IL37: variants seen among roughly 807,000 people sequenced by gnomAD.
The protein encoded by IL37 is interleukin-37.
Under a neutral mutation model 15.4 loss-of-function variants are expected in IL37, and 15 were observed. The ratio of observed to expected loss-of-function variants is 0.98; its 90% CI spans 0.65 to 1.50. The LOEUF is 1.50. Among genes scored for constraint, IL37 ranks in the 40% most tolerant of loss-of-function variants. The pLI, the probability that IL37 is intolerant of heterozygous loss-of-function variation, is 0.00. For missense variants in IL37, 269 were observed against 261.7 expected (o/e 1.03, Z -0.19); for synonymous variants, 98 against 97.4 (o/e 1.01, Z -0.03).
Position 112,911,259 on chromosome 2 carries a change from C to T in IL37, c.-51+11C>T, listed in dbSNP as rs1324701976. 6.6e-6 allele frequency among the ~76,000 whole-genome samples: 1 copy of T among 152,236 alleles called. No homozygotes were observed. Among genetic ancestry groups the T allele is most frequent in the Non-Finnish European group, 1.5e-5 (1 of 68,044 alleles). On this transcript the variant is annotated intron_variant, in intron 1 of 5. Coordinates refer to ENST00000263326, the MANE Select transcript of IL37 (RefSeq NM_014439.4). ...GGATCCCTGGCCCAGGTAGGTGGTC[C>T]TCCTGCACTGGCTTTCAAGGCCAAC...
At chr2:112,912,911 G>A in intron 1 of IL37, 52 bp from the exon 2 acceptor site, 1 of 779,764 alleles carries the variant, frequency 1.3e-6, no homozygotes, top group South Asian at 1.8e-5. Flanking sequence ...CATGCAGCAA[G>A]GTGTCCTGGG....
chr2:112,913,972 G>A lies in IL37; in HGVS notation c.145+118G>A, dbSNP rs79683662. The A allele has an allele frequency of 4.2e-3, 3,238 of 765,794 alleles. 81 individuals are homozygous for A. In the African/African-American group the frequency reaches 0.047, roughly 11 times the overall value. The allele number at this position is 765,794 out of a possible 1,614,324, so 47.4% of individuals were successfully genotyped here. ...TTGTAGAATGGGGACACCTAAGGGT[G>A]CTGGATGGGGCTGAAGTCTTTCCTT... On this transcript the variant is annotated intron_variant, in intron 3 of 5. Coordinates refer to ENST00000263326, the MANE Select transcript of IL37 (RefSeq NM_014439.4).
At chr2:112,913,734 C>T in intron 2 of IL37, 58 bp from the exon 3 acceptor site, 1 of 1,380,946 alleles carries the variant, frequency 7.2e-7, no homozygotes, top group South Asian at 1.2e-5. Context: ...TCTTTGATAC[C>T]CCTAAATCCT....
At chr2:112,916,563 G>T (rs1403413497) in intron 3 of IL37, among the ~76,000 whole-genome samples, 3 of 152,122 alleles carry the variant, frequency 2.0e-5, no homozygotes, top group African/African-American at 7.2e-5. Context: ...TGGGCTCCTG[G>T]GGGCTTCCTG....
At chr2:112,915,661 C>G (rs896364142) in intron 3 of IL37, among the ~76,000 whole-genome samples, 1 of 152,130 alleles carries the variant, frequency 6.6e-6, no homozygotes. Context: ...TGGGATGGGC[C>G]CAGAAAAGCT....
intron 2 of IL37, 34 bp from the exon 3 acceptor site, chr2:112,913,758 T>C: frequency 1.3e-6 from 2 of 1,589,658 alleles, no homozygotes; most frequent in Admixed American, 1.7e-5. Flanking sequence ...AAAATCCGAA[T>C]TGCATATGCT....
intron 3 of IL37, chr2:112,915,259 G>A: frequency 2.5e-6 from 4 of 1,612,968 alleles, no homozygotes; most frequent in Non-Finnish European, 2.5e-6. Flanking sequence ...GCGCTTAAGA[G>A]GTACAAAGTA....
In IL37 at chr2:112,912,995, A is replaced by G; in HGVS notation, c.-18A>G. 6.4e-7 allele frequency: 1 copy of G among 1,559,692 alleles called. No homozygotes were observed. Among genetic ancestry groups the G allele is most frequent in the Non-Finnish European group, 8.7e-7 (1 of 1,151,604 alleles). ...ACTTCATTCCATTTTCTGTTGAGTA[A>G]TAAACTCAACGTTGAAAATGTCCTT... On this transcript the variant is annotated 5_prime_UTR_variant, in exon 2 of 6. Coordinates refer to ENST00000263326, the MANE Select transcript of IL37 (RefSeq NM_014439.4).
In IL37 at chr2:112,918,658, C is replaced by G; in HGVS notation, c.506C>G (p.Ser169Trp). The change falls in exon 6 of 6, where the codon TCG (serine) becomes TGG (tryptophan). Residue 169 changes from serine to tryptophan, a missense_variant. Transcript: ENST00000263326. The part of the protein sequence containing the change: ...AQVGSWNMLE[S>W]AAHPGWFICT... The stretch of plus-strand genomic sequence containing the variant: ...GTGGGCTCCTGGAACATGCTGGAGT[C>G]GGCGGCTCACCCCGGATGGTTCATC... 1 of 1,614,112 alleles carries G rather than the reference C, an allele frequency of 6.2e-7. No individual in the cohort carries two copies. Among genetic ancestry groups the G allele is most frequent in the South Asian group, 1.1e-5 (1 of 91,068 alleles).
At chr2:112,913,234 C>A in intron 2 of IL37, 140 bp downstream of exon 2, 1 of 529,816 alleles carries the variant, frequency 1.9e-6, no homozygotes, top group Non-Finnish European at 3.3e-6. Context: ...GGACAAATAA[C>A]TAGACAAGAG....
intron 3 of IL37, chr2:112,915,316 G>A: frequency 2.1e-6 from 3 of 1,420,794 alleles, no homozygotes; most frequent in East Asian, 2.4e-5. Flanking sequence ...GCATTTTCCA[G>A]TCTCACCCTG....
At chr2:112,914,516 T>C (rs1683254254) in intron 3 of IL37, among the ~76,000 whole-genome samples, 1 of 152,218 alleles carries the variant, frequency 6.6e-6, no homozygotes, top group African/African-American at 2.4e-5. Flanking sequence ...TGCAGGTTCA[T>C]GTGGGAATAC....
intron 1 of IL37, among the ~76,000 whole-genome samples, 165 bp from the exon 2 acceptor site, chr2:112,912,798 C>T (rs2708960): frequency 0.096 from 14,596 of 152,204 alleles, 906 homozygotes; most frequent in African/African-American, 0.16. Context: ...GCTTTGAAGG[C>T]GTGATAGACA....
At position 112,918,747 on chromosome 2, in the gene IL37, A is replaced by C; in HGVS notation, c.595A>C (p.Ile199Leu). Reference protein sequence around the residue: ...VTDKFENRKHIEFSFQPVCKA... With the variant: ...VTDKFENRKHLEFSFQPVCKA... ...AGATAAATTTGAGAACAGGAAACAC[A>C]TTGAATTTTCATTTCAACCAGTTTG... The change falls in exon 6 of 6, where the codon ATT becomes CTT. Residue 199 changes from isoleucine to leucine, a missense_variant. Physicochemically the swap from Ile to Leu is conservative, Grantham distance 5. Coordinates refer to ENST00000263326, the MANE Select transcript of IL37 (RefSeq NM_014439.4). The C allele has an allele frequency of 5.6e-6, 9 of 1,614,166 alleles. No homozygotes were observed. The highest frequency in any genetic ancestry group is 7.6e-6 in the Non-Finnish European group (9 of 1,180,038).
intron 1 of IL37, among the ~76,000 whole-genome samples, chr2:112,912,450 G>A (rs907159022): frequency 6.6e-6 from 1 of 152,152 alleles, no homozygotes; most frequent in Non-Finnish European, 1.5e-5. Context: ...CAAAGATTAG[G>A]CTACTGCAGA....
intron 5 of IL37, among the ~76,000 whole-genome samples, chr2:112,918,028 G>C: frequency 6.6e-6 from 1 of 152,224 alleles, no homozygotes; most frequent in South Asian, 2.1e-4. Flanking sequence ...CCTCTCCTGG[G>C]CTCACTGGTC....
intron 1 of IL37, among the ~76,000 whole-genome samples, chr2:112,911,832 C>A (rs1344435645): frequency 1.3e-5 from 2 of 152,206 alleles, no homozygotes. Flanking sequence ...CTGCCAAATT[C>A]TCTGTCAAGC....
chr2:112,917,104 T>C, intron 3 of IL37, 25 bp from the exon 4 acceptor site: 1 of 1,612,842 alleles, frequency 6.2e-7, no homozygotes, highest in Non-Finnish European at 8.5e-7. Context: ...ATGTGAAGTG[T>C]TGATATCTGG....
chr2:112,914,027 T>C (rs1221332899), intron 3 of IL37, among the ~76,000 whole-genome samples, 173 bp downstream of exon 3: 1 of 152,082 alleles, frequency 6.6e-6, no homozygotes, highest in East Asian at 1.9e-4. Context: ...AGGAGATAAC[T>C]CTGGGAAAGA....
Sources: gnomAD v4.1 joint callset for allele counts (sites outside exome capture counted in the v4.1 genomes callset) on GRCh38, gnomAD v4.1.1 for gene constraint, MANE v1.5 for transcripts, NCBI Gene and HGNC (gene_info 2026-07-23, HGNC 2026-07-21) for gene names.